The following KMT2C variants were observed in gnomAD, a reference collection of about 807,000 sequenced individuals.
The protein encoded by KMT2C is lysine methyltransferase 2C.
Under a neutral mutation model 507.9 loss-of-function variants are expected in KMT2C, and 88 were observed. The ratio of observed to expected loss-of-function variants is 0.17; its 90% CI spans 0.15 to 0.21. The LOEUF is 0.21. KMT2C is among the 10% of genes least tolerant of loss of function. KMT2C has a pLI of 1.00. For missense variants in KMT2C, 4,954 were observed against 5,957.8 expected, an observed-to-expected ratio of 0.83 and a Z score of 5.55; for synonymous variants, 2,049 against 2,080.8, an observed-to-expected ratio of 0.98 and a Z score of 0.42.
intron 1 of KMT2C, among the ~76,000 whole-genome samples, chr7:152,390,307 C>A (rs1004047792): frequency 5.9e-5 from 9 of 152,274 alleles, no homozygotes; most frequent in Admixed American, 2.0e-4. Context: ...CCAAGAAAAA[C>A]CACATTTTAC....
At position 152,199,334 on chromosome 7, in the gene KMT2C, A is replaced by C. The variant is rs2094062408; in HGVS notation, c.4218T>G (p.Pro1406=). ...KTNMNTGFLD[P]SLDPLLSSSS... is the part of the protein sequence containing the mutation. ...ATGAACTAAGTAGTGGATCTAAGGAAGGATCCAAGAAACCTGTGTTCATGT... is the reference window on the plus strand; with the variant it reads ...ATGAACTAAGTAGTGGATCTAAGGACGGATCCAAGAAACCTGTGTTCATGT... The change falls in exon 27 of 59, where the codon CCT becomes CCG. Residue 1406 remains proline (P), a synonymous_variant. Coordinates refer to ENST00000262189, the MANE Select transcript of KMT2C (RefSeq NM_170606.3). The C allele has an allele frequency of 6.2e-7, 1 of 1,604,186 alleles. No individual in the cohort carries two copies. The highest frequency in any genetic ancestry group is 1.1e-5 in the South Asian group (1 of 88,464).
chr7:152,426,549 A>G (rs2097821355), intron 1 of KMT2C, among the ~76,000 whole-genome samples: 1 of 151,932 alleles, frequency 6.6e-6, no homozygotes, highest in South Asian at 2.1e-4. Context: ...ATATCATGGC[A>G]TTTTTGGAGT....
At chr7:152,396,543 A>G (rs1364387276) in intron 1 of KMT2C, among the ~76,000 whole-genome samples, 1 of 152,254 alleles carries the variant, frequency 6.6e-6, no homozygotes, top group African/African-American at 2.4e-5. Context: ...AGAAGGACTG[A>G]CCAACAGCTA....
chr7:152,200,506 TTCACTTAGGC>T (rs2129133754), intron 26 of KMT2C, among the ~76,000 whole-genome samples: 1 of 152,116 alleles, frequency 6.6e-6, no homozygotes, highest in African/African-American at 2.4e-5. Flanking sequence ...AGGTAGGTGG[TTCACTTAGGC>T]CCAGGAGTTA....
chr7:152,312,030 C>CAAATCAATTTTA, intron 4 of KMT2C, 84 bp from the exon 5 acceptor site: 1 of 1,045,000 alleles, frequency 9.6e-7, no homozygotes, highest in Non-Finnish European at 1.3e-6. Context: ...AATGTACTGC[C>CAAATCAATTTTA]AAATCAATTT....
chr7:152,314,663 G>A (rs2096706929), intron 4 of KMT2C, among the ~76,000 whole-genome samples: 1 of 152,050 alleles, frequency 6.6e-6, no homozygotes, highest in Non-Finnish European at 1.5e-5. Flanking sequence ...ATAAATGACT[G>A]AATGGATTGA....
chr7:152,316,362 T>A (rs2096723043), intron 3 of KMT2C, among the ~76,000 whole-genome samples: 1 of 152,324 alleles, frequency 6.6e-6, no homozygotes, highest in South Asian at 2.1e-4. Flanking sequence ...GGTGGGAGAA[T>A]GAGCTCAATT....
At chr7:152,358,077 C>A (rs2097166943) in intron 2 of KMT2C, among the ~76,000 whole-genome samples, 1 of 152,186 alleles carries the variant, frequency 6.6e-6, no homozygotes. Context: ...CTTTGGGCAA[C>A]CAACTCTAGC....
In KMT2C at chr7:152,151,194, C is replaced by T. The variant is rs538943903; in HGVS notation, c.12667-187G>A. Among the ~76,000 whole-genome samples, 6 of 152,236 alleles carry T rather than the reference C, an allele frequency of 3.9e-5. No homozygotes were observed. The South Asian group carries it at 1.2e-3, about 32-fold the overall frequency. On this transcript the variant is annotated intron_variant, in intron 50 of 58. Transcript: ENST00000262189. ...CTAGGGAAAAAATACATGTATAAAA[C>T]CAAACTATGTGGTCCACGGTTCACT... is the stretch of plus-strand genomic sequence containing the variant.
chr7:152,409,782 A>G (rs959265514), intron 1 of KMT2C, among the ~76,000 whole-genome samples: 1 of 152,280 alleles, frequency 6.6e-6, no homozygotes, highest in Non-Finnish European at 1.5e-5. Flanking sequence ...TGGTTAAGTG[A>G]CCAGAGGTTT....
intron 35 of KMT2C, 22 bp from the exon 36 acceptor site, chr7:152,182,616 A>G: frequency 2.0e-6 from 3 of 1,525,834 alleles, no homozygotes; most frequent in African/African-American, 2.8e-5. Context: ...GAAAAGAAAA[A>G]GCAATCATAT....
At chr7:152,153,140 AAG>A (rs1183247296) in intron 48 of KMT2C, among the ~76,000 whole-genome samples, 186 bp from the exon 49 acceptor site, 1 of 138,100 alleles carries the variant, frequency 7.2e-6, no homozygotes, top group Non-Finnish European at 1.5e-5. Flanking sequence ...TATCCAAAAA[AAG>A]AAATTTATAA....
intron 6 of KMT2C, among the ~76,000 whole-genome samples, chr7:152,274,510 C>T (rs533001634): frequency 1.3e-5 from 2 of 152,184 alleles, no homozygotes; most frequent in Non-Finnish European, 2.9e-5. Context: ...GTAAAACGCA[C>T]AGAAATAAGC....
chr7:152,381,588 T>C (rs2097374574), intron 1 of KMT2C, among the ~76,000 whole-genome samples: 1 of 152,294 alleles, frequency 6.6e-6, no homozygotes, highest in African/African-American at 2.4e-5. Flanking sequence ...TGTTCTACAA[T>C]AGAGGCTTTA....
chr7:152,180,790 C>A lies in KMT2C; in HGVS notation c.7070G>T (p.Gly2357Val), dbSNP rs898494556. ...AGTTACTCCTGAAGTTGGCACAGGT[C>A]CAGGAAGTTGGGAGACACCAGAGAA... ...QQFSGVSQLP[G>V]PVPTSGVTDT... The change falls in exon 36 of 59, where the codon GGA becomes GTA. Residue 2357 changes from glycine to valine, a missense_variant. Gly to Val is a moderately radical substitution (Grantham distance 109). Coordinates refer to ENST00000262189, the MANE Select transcript of KMT2C (RefSeq NM_170606.3). 6.2e-7 allele frequency: 1 copy of A among 1,614,064 alleles called. No homozygotes were observed. Among genetic ancestry groups the A allele is most frequent in the African/African-American group, 1.3e-5 (1 of 75,004 alleles).
intron 23 of KMT2C, among the ~76,000 whole-genome samples, chr7:152,215,797 T>C (rs2094569069): frequency 6.6e-6 from 1 of 151,698 alleles, no homozygotes; most frequent in Admixed American, 6.6e-5. Flanking sequence ...ACAAGAAACC[T>C]CTGAGGTTTC....
Position 152,370,009 on chromosome 7 carries a change from C to T in KMT2C, c.162-11334G>A, listed in dbSNP as rs562128143. On this transcript the variant is annotated intron_variant, in intron 1 of 58. Transcript: ENST00000262189. Reference sequence around the variant, plus strand: ...GAGATCGAGACCATCCTGGCTAACACGGTGAAACCCCGTCTCTACTAAAAA... The same window carrying T: ...GAGATCGAGACCATCCTGGCTAACATGGTGAAACCCCGTCTCTACTAAAAA... 3.9e-5 allele frequency among the ~76,000 whole-genome samples: 6 copies of T among 152,086 alleles called. No individual in the cohort carries two copies. The South Asian group carries it at 6.2e-4, about 16-fold the overall frequency.
intron 24 of KMT2C, among the ~76,000 whole-genome samples, chr7:152,206,554 A>C (rs1482831195): frequency 1.3e-5 from 2 of 152,188 alleles, no homozygotes; most frequent in Non-Finnish European, 1.5e-5. Context: ...AATATAAGCA[A>C]TAAGAAGCAT....
rs889312490 is a variant in KMT2C, at chr7:152,158,751, G to A, written c.11670+112C>T. 5.0e-5 allele frequency: 46 copies of A among 921,090 alleles called. No individual in the cohort carries two copies. In the African/African-American group the frequency reaches 6.7e-4, roughly 13 times the overall value. The allele number at this position is 921,090 out of a possible 1,614,324, so 57.1% of individuals were successfully genotyped here. A position where few individuals can be genotyped will look rare whatever the true frequency, so the allele number is the denominator to read the frequency against. The stretch of plus-strand genomic sequence containing the variant: ...AGCTCATCTAGAACTCATGCCTCAA[G>A]TGATCCACCTGCCTCAGCCTCCCAA... On this transcript the variant is annotated intron_variant, in intron 44 of 58. Coordinates refer to ENST00000262189, the MANE Select transcript of KMT2C (RefSeq NM_170606.3).
Sources: gnomAD v4.1 joint callset for allele counts (sites outside exome capture counted in the v4.1 genomes callset) on GRCh38, gnomAD v4.1.1 for gene constraint, MANE v1.5 for transcripts, NCBI Gene and HGNC (gene_info 2026-07-23, HGNC 2026-07-21) for gene names.